Variants in NSUN6 observed in about 807,000 individuals in gnomAD.
NSUN6 encodes the protein tRNA (cytosine(72)-C(5))-methyltransferase NSUN6.
In NSUN6, 64 loss-of-function variants were observed where a neutral mutation model predicts 58.0. That is an observed-to-expected ratio of 1.10 (90% CI 0.90 to 1.36). The LOEUF is 1.36. Among genes scored for constraint, NSUN6 ranks in the 40% most tolerant of loss-of-function variants. NSUN6 has a pLI of 0.00. For synonymous variants in NSUN6, 231 were observed against 193.9 expected (o/e 1.19, Z -1.59); for missense variants, 701 against 550.1 (o/e 1.27, Z -2.74).
intron 8 of NSUN6, among the ~76,000 whole-genome samples, chr10:18,563,171 A>T (rs1289583110): frequency 1.0e-5 from 1 of 95,646 alleles, no homozygotes; most frequent in Non-Finnish European, 2.1e-5. Flanking sequence ...GGAGAATGGA[A>T]TGGAATGGAG....
chr10:18,580,214 T>C (rs2056844377), intron 8 of NSUN6, among the ~76,000 whole-genome samples: 1 of 152,180 alleles, frequency 6.6e-6, no homozygotes, highest in South Asian at 2.1e-4. Context: ...TGAAGAAACA[T>C]TTATTTAAGA....
chr10:18,647,314 A>G (rs2059573638), intron 2 of NSUN6, among the ~76,000 whole-genome samples: 3 of 152,224 alleles, frequency 2.0e-5, no homozygotes, highest in South Asian at 4.1e-4. Flanking sequence ...ACTCAGACAC[A>G]AATAAGGCAG....
At chr10:18,608,378 G>A (rs934169403) in intron 6 of NSUN6, among the ~76,000 whole-genome samples, 1 of 152,150 alleles carries the variant, frequency 6.6e-6, no homozygotes. Context: ...GCTTATGCCT[G>A]TAATCCCAGA....
chr10:18,558,535 AATG>A lies in NSUN6; in HGVS notation c.923-6567_923-6565del, dbSNP rs1489413053. The stretch of plus-strand genomic sequence containing the variant: ...GAATAGAATATGGAATGGAACGGAG[AATG>A]GAATGGAATGCAGTAGTGAATATAA... On this transcript the variant is annotated intron_variant, in intron 8 of 10. Transcript: ENST00000377304. Among the ~76,000 whole-genome samples the A allele has an allele frequency of 9.6e-3, 641 of 66,746 alleles. 3 individuals carry two copies. Among genetic ancestry groups the A allele is most frequent in the Non-Finnish European group, 0.016 (444 of 28,238 alleles). 43.8% of individuals were successfully genotyped at this position (66,746 alleles called of 152,430 possible).
At chr10:18,611,515 G>T (rs1010298263) in intron 5 of NSUN6, among the ~76,000 whole-genome samples, 1 of 152,022 alleles carries the variant, frequency 6.6e-6, no homozygotes, top group Non-Finnish European at 1.5e-5. Flanking sequence ...AACTCCCCTC[G>T]GTTTTGTTGT....
At chr10:18,599,280 T>G (rs1035007224) in intron 6 of NSUN6, among the ~76,000 whole-genome samples, 1 of 152,164 alleles carries the variant, frequency 6.6e-6, no homozygotes, top group African/African-American at 2.4e-5. Context: ...AGCATTGAGA[T>G]GGGGTTGCAG....
intron 9 of NSUN6, among the ~76,000 whole-genome samples, chr10:18,550,163 C>T (rs1203303188): frequency 6.6e-6 from 1 of 152,184 alleles, no homozygotes; most frequent in Non-Finnish European, 1.5e-5. Context: ...TTTAAAATAC[C>T]ATTTTTGCTG....
At chr10:18,628,493 G>A (rs28794621) in intron 3 of NSUN6, among the ~76,000 whole-genome samples, 4,884 of 152,228 alleles carry the variant, frequency 0.032, 271 homozygotes, top group African/African-American at 0.11. Flanking sequence ...AGGCATTGAA[G>A]TTGAAAACTT....
At chr10:18,572,955 C>A (rs1425891603) in intron 8 of NSUN6, among the ~76,000 whole-genome samples, 1 of 151,548 alleles carries the variant, frequency 6.6e-6, no homozygotes, top group African/African-American at 2.4e-5. Flanking sequence ...CCATTCCATT[C>A]CATTCTCCAT....
chr10:18,561,677 G>A (rs554897430), intron 8 of NSUN6, among the ~76,000 whole-genome samples: 51 of 150,716 alleles, frequency 3.4e-4, no homozygotes, highest in African/African-American at 1.1e-3. Flanking sequence ...AGAATGGAAT[G>A]GAATGGAGAA....
chr10:18,655,847 T>C (rs971035501), upstream of NSUN6, among the ~76,000 whole-genome samples: 10 of 152,168 alleles, frequency 6.6e-5, no homozygotes, highest in Non-Finnish European at 1.5e-5. Flanking sequence ...GGAAGGAGCA[T>C]TTATCAAATG....
chr10:18,647,827 C>T (rs554098131), intron 2 of NSUN6, among the ~76,000 whole-genome samples: 9 of 150,972 alleles, frequency 6.0e-5, no homozygotes, highest in Non-Finnish European at 7.4e-5. Context: ...CTCCACCTCC[C>T]GGGTTCAAGG....
At chr10:18,625,720 TAAAAAAA>T (rs71402188) in intron 3 of NSUN6, among the ~76,000 whole-genome samples, 30 of 53,812 alleles carry the variant, frequency 5.6e-4, no homozygotes, top group African/African-American at 1.8e-3. Context: ...GTTTTTTTTT[TAAAAAAA>T]AAAAAAAAAA....
chr10:18,588,039 C>G (rs971146386), intron 7 of NSUN6, among the ~76,000 whole-genome samples: 1 of 152,222 alleles, frequency 6.6e-6, no homozygotes, highest in Non-Finnish European at 1.5e-5. Context: ...GAAATTCTCA[C>G]AGCCAGCACA....
At position 18,625,710 on chromosome 10, in the gene NSUN6, G is replaced by GCT. The variant is rs1554880776; in HGVS notation, c.312-9418_312-9417insAG. On this transcript the variant is annotated intron_variant, in intron 3 of 10. Transcript: ENST00000377304. ...CCTGGGTGACAGAGTGAGACTATGT[G>GCT]TTTTTTTTTTAAAAAAAAAAAAAAA... 1.1e-4 allele frequency among the ~76,000 whole-genome samples: 7 copies of GCT among 62,176 alleles called. No individual in the cohort carries two copies. The South Asian group carries it at 5.2e-3, about 46-fold the overall frequency. The allele number at this position is 62,176 out of a possible 152,430, so 40.8% of individuals were successfully genotyped here. A position where few individuals can be genotyped will look rare whatever the true frequency, so the allele number is the denominator to read the frequency against.
At chr10:18,634,444 C>T (rs1243782365) in intron 3 of NSUN6, among the ~76,000 whole-genome samples, 1 of 152,028 alleles carries the variant, frequency 6.6e-6, no homozygotes, top group Non-Finnish European at 1.5e-5. Context: ...GAAACAGAGC[C>T]CATGACCAAG....
At chr10:18,621,600 G>T (rs1489860906) in intron 3 of NSUN6, among the ~76,000 whole-genome samples, 1 of 152,096 alleles carries the variant, frequency 6.6e-6, no homozygotes, top group African/African-American at 2.4e-5. Flanking sequence ...GATTTTTATT[G>T]AAATGTTTCC....
At chr10:18,636,179 AG>A (rs1242523048) in intron 3 of NSUN6, among the ~76,000 whole-genome samples, 1 of 152,042 alleles carries the variant, frequency 6.6e-6, no homozygotes, top group Admixed American at 6.6e-5. Flanking sequence ...AGTACATAAG[AG>A]GTAACCTTCG....
chr10:18,606,440 C>T (rs982042583), intron 6 of NSUN6, among the ~76,000 whole-genome samples: 1 of 152,176 alleles, frequency 6.6e-6, no homozygotes, highest in African/African-American at 2.4e-5. Flanking sequence ...GTGTGGGATC[C>T]TGGATCGGAT....
Sources: gnomAD v4.1 joint callset for allele counts (sites outside exome capture counted in the v4.1 genomes callset) on GRCh38, gnomAD v4.1.1 for gene constraint, MANE v1.5 for transcripts, NCBI Gene and HGNC (gene_info 2026-07-23, HGNC 2026-07-21) for gene names.